Variants in NCOA1 observed in about 807,000 individuals in gnomAD.
The protein encoded by NCOA1 is nuclear receptor coactivator 1, also known as Hin-2 protein.
Under a neutral mutation model 150.9 loss-of-function variants are expected in NCOA1, and 35 were observed. That is an observed-to-expected ratio of 0.23 (90% CI 0.18 to 0.31). NCOA1 has a LOEUF of 0.31. Ranked by LOEUF, NCOA1 falls within the 10% of genes least tolerant of loss-of-function variation. NCOA1 has a pLI of 1.00. For missense variants in NCOA1, 1,491 were observed against 1,749.3 expected (o/e 0.85, Z 2.63); for synonymous variants, 590 against 630.0 (o/e 0.94, Z 0.95).
chr2:24,736,267 C>T (rs1412324575), intron 17 of NCOA1, among the ~76,000 whole-genome samples: 1 of 151,018 alleles, frequency 6.6e-6, no homozygotes, highest in Admixed American at 6.6e-5. Context: ...GTATCATTAG[C>T]TGACAAAAGA....
intron 1 of NCOA1, among the ~76,000 whole-genome samples, chr2:24,504,457 G>A (rs761444146): frequency 2.0e-5 from 3 of 152,236 alleles, no homozygotes; most frequent in African/African-American, 4.8e-5. Flanking sequence ...TTGGTGAGGA[G>A]TAAATGATTT....
chr2:24,497,205 C>G (rs894759497), intron 1 of NCOA1, among the ~76,000 whole-genome samples: 1 of 152,026 alleles, frequency 6.6e-6, no homozygotes, highest in Non-Finnish European at 1.5e-5. Flanking sequence ...CATATTCATA[C>G]CTTTCAATTG....
At chr2:24,548,024 A>G (rs1386389829) in intron 1 of NCOA1, among the ~76,000 whole-genome samples, 4 of 149,170 alleles carry the variant, frequency 2.7e-5, no homozygotes, top group Admixed American at 6.7e-5. Context: ...AGGGAATTCT[A>G]TAAGGAATGC....
At chr2:24,572,540 A>C (rs1049024167) in intron 2 of NCOA1, among the ~76,000 whole-genome samples, 7 of 152,196 alleles carry the variant, frequency 4.6e-5, no homozygotes, top group Non-Finnish European at 8.8e-5. Context: ...GATTTCATTC[A>C]TATGAGAGAA....
At chr2:24,692,851 T>G (rs1672726290) in intron 9 of NCOA1, among the ~76,000 whole-genome samples, 1 of 152,204 alleles carries the variant, frequency 6.6e-6, no homozygotes, top group Admixed American at 6.5e-5. Context: ...TGTCAGGTGC[T>G]GTAACACGTT....
chr2:24,589,632 T>G (rs1323862175), intron 3 of NCOA1, among the ~76,000 whole-genome samples: 1 of 117,014 alleles, frequency 8.5e-6, no homozygotes, highest in African/African-American at 3.6e-5. Context: ...AGGTTGGTGG[T>G]GTGTGTGTGT....
At chr2:24,550,102 C>T (rs1262291653) in intron 1 of NCOA1, among the ~76,000 whole-genome samples, 1 of 152,170 alleles carries the variant, frequency 6.6e-6, no homozygotes, top group Non-Finnish European at 1.5e-5. Flanking sequence ...TTTCATTGTC[C>T]TTATCATTAT....
chr2:24,502,054 A>T (rs1663485718), intron 1 of NCOA1, among the ~76,000 whole-genome samples: 1 of 152,196 alleles, frequency 6.6e-6, no homozygotes, highest in Non-Finnish European at 1.5e-5. Context: ...TTATTGCACA[A>T]CTACCTGGCC....
At chr2:24,575,453 A>G (rs1666914329) in intron 2 of NCOA1, among the ~76,000 whole-genome samples, 1 of 151,724 alleles carries the variant, frequency 6.6e-6, no homozygotes, top group Non-Finnish European at 1.5e-5. Context: ...GTCTGTTTTT[A>G]TTGATATTCT....
intron 1 of NCOA1, among the ~76,000 whole-genome samples, chr2:24,533,883 G>A (rs1183827383): frequency 6.6e-6 from 1 of 152,140 alleles, no homozygotes; most frequent in Non-Finnish European, 1.5e-5. Flanking sequence ...TTGTTCATCA[G>A]GGATATTGGT....
chr2:24,614,534 T>C (rs1668789334), intron 3 of NCOA1, among the ~76,000 whole-genome samples: 1 of 152,038 alleles, frequency 6.6e-6, no homozygotes, highest in Non-Finnish European at 1.5e-5. Flanking sequence ...CTAGCCCATT[T>C]TCATTCTTTA....
chr2:24,501,170 A>C (rs949695971), intron 1 of NCOA1, among the ~76,000 whole-genome samples: 7 of 152,218 alleles, frequency 4.6e-5, no homozygotes, highest in Non-Finnish European at 1.0e-4. Context: ...TAAATGGTGA[A>C]TGGGATTGGA....
chr2:24,515,304 C>T (rs1221168972), intron 1 of NCOA1, among the ~76,000 whole-genome samples: 1 of 152,122 alleles, frequency 6.6e-6, no homozygotes, highest in Non-Finnish European at 1.5e-5. Flanking sequence ...GCGATCATGG[C>T]TCACTGCAAC....
chr2:24,535,516 C>T (rs138719630), intron 1 of NCOA1, among the ~76,000 whole-genome samples: 4 of 152,116 alleles, frequency 2.6e-5, no homozygotes, highest in African/African-American at 7.2e-5. Flanking sequence ...TTATTTTGCC[C>T]GTTAATTCAT....
intron 3 of NCOA1, among the ~76,000 whole-genome samples, chr2:24,634,534 A>G (rs1669847976): frequency 6.6e-6 from 1 of 152,212 alleles, no homozygotes; most frequent in Non-Finnish European, 1.5e-5. Flanking sequence ...TAACCAGTAC[A>G]TACGCCAGAA....
At chr2:24,739,279 A>G (rs1203296561) in intron 17 of NCOA1, among the ~76,000 whole-genome samples, 153 bp from the exon 18 acceptor site, 3 of 152,172 alleles carry the variant, frequency 2.0e-5, no homozygotes, top group Non-Finnish European at 4.4e-5. Flanking sequence ...ATTGGGAACT[A>G]CTAGCCTTTT....
intron 1 of NCOA1, among the ~76,000 whole-genome samples, chr2:24,563,030 A>G (rs1372029799): frequency 6.6e-6 from 1 of 152,222 alleles, no homozygotes; most frequent in Non-Finnish European, 1.5e-5. Context: ...TTCGCTCTAA[A>G]GCATTATTTT....
chr2:24,541,787 T>A (rs899703795), intron 1 of NCOA1, among the ~76,000 whole-genome samples: 1 of 152,226 alleles, frequency 6.6e-6, no homozygotes, highest in Non-Finnish European at 1.5e-5. Flanking sequence ...AGAAAATTCA[T>A]AGGAATAAGA....
chr2:24,695,621 C>A (rs758402357), intron 10 of NCOA1, among the ~76,000 whole-genome samples: 2 of 152,022 alleles, frequency 1.3e-5, no homozygotes, highest in African/African-American at 4.8e-5. Context: ...TTTTGTAGTA[C>A]TTTTTAACTC....
Sources: gnomAD v4.1 joint callset for allele counts (sites outside exome capture counted in the v4.1 genomes callset) on GRCh38, gnomAD v4.1.1 for gene constraint, MANE v1.5 for transcripts, NCBI Gene and HGNC (gene_info 2026-07-23, HGNC 2026-07-21) for gene names.